Variants in LMX1A observed in about 807,000 individuals in gnomAD.
LMX1A encodes LIM homeobox transcription factor 1 alpha.
In LMX1A, 15 loss-of-function variants were observed where a neutral mutation model predicts 49.1. The ratio of observed to expected loss-of-function variants is 0.31; its 90% CI spans 0.20 to 0.47. The LOEUF is 0.47. LMX1A is among the 20% of genes least tolerant of loss of function. LMX1A has a pLI of 1.00. For missense variants in LMX1A, 372 were observed against 475.8 expected (o/e 0.78, Z 2.03); for synonymous variants, 167 against 185.7 (o/e 0.90, Z 0.82).
intron 6 of LMX1A, among the ~76,000 whole-genome samples, chr1:165,209,154 C>G (rs1651253365): frequency 6.6e-6 from 1 of 152,190 alleles, no homozygotes; most frequent in Non-Finnish European, 1.5e-5. Flanking sequence ...TATAGGGCCT[C>G]TGCAACTTAT....
chr1:165,230,677 TG>T (rs1268560799), intron 4 of LMX1A, among the ~76,000 whole-genome samples: 1 of 152,218 alleles, frequency 6.6e-6, no homozygotes, highest in East Asian at 1.9e-4. Flanking sequence ...TAAAGAAACT[TG>T]GAGAGCATCT....
At chr1:165,343,538 T>G (rs1656147129) in intron 3 of LMX1A, among the ~76,000 whole-genome samples, 1 of 152,200 alleles carries the variant, frequency 6.6e-6, no homozygotes, top group Non-Finnish European at 1.5e-5. Flanking sequence ...ATTGTATAGA[T>G]GAGAAAACCA....
In LMX1A at chr1:165,265,152, C is replaced by T. The variant is rs974887424; in HGVS notation, c.264-15512G>A. Reference sequence around the variant, plus strand: ...CCAGGAGGTGGAGCTTGCAGTGAGCCGAGATCGTGCCATTGCACTCCAGCC... The same window carrying T: ...CCAGGAGGTGGAGCTTGCAGTGAGCTGAGATCGTGCCATTGCACTCCAGCC... On this transcript the variant is annotated intron_variant, in intron 3 of 8. Coordinates refer to ENST00000342310, the MANE Select transcript of LMX1A (RefSeq NM_177398.4). 2.7e-5 allele frequency among the ~76,000 whole-genome samples: 4 copies of T among 149,226 alleles called. No homozygotes were observed. In the Admixed American group the frequency reaches 2.7e-4, roughly 10 times the overall value.
At chr1:165,221,584 G>A (rs1651845850) in intron 4 of LMX1A, among the ~76,000 whole-genome samples, 1 of 152,142 alleles carries the variant, frequency 6.6e-6, no homozygotes, top group Non-Finnish European at 1.5e-5. Flanking sequence ...CACTGCAGAG[G>A]GGGGTTTCTG....
intron 4 of LMX1A, among the ~76,000 whole-genome samples, chr1:165,218,246 G>A (rs1378312838): frequency 1.3e-5 from 2 of 152,200 alleles, no homozygotes; most frequent in East Asian, 1.9e-4. Flanking sequence ...CACTGCTGAT[G>A]GTTAGCATGG....
Position 165,203,807 on chromosome 1 carries a change from C to G in LMX1A, c.*73G>C. 9.3e-6 allele frequency: 14 copies of G among 1,508,832 alleles called. No individual in the cohort carries two copies. Among genetic ancestry groups the G allele is most frequent in the Non-Finnish European group, 1.3e-5 (14 of 1,093,650 alleles). The allele number at this position is 1,508,832 out of a possible 1,614,324, so 93.5% of individuals were successfully genotyped here. ...CCACCTCTTCCCTGGCCTCCCTGTC[C>G]TAAAGCCAGTGACCCCTCAAAGAAT... On this transcript the variant is annotated 3_prime_UTR_variant, in exon 9 of 9. Transcript: ENST00000342310.
intron 3 of LMX1A, among the ~76,000 whole-genome samples, chr1:165,260,515 ATGTCC>A (rs2102647596): frequency 6.6e-6 from 1 of 152,290 alleles, no homozygotes; most frequent in African/African-American, 2.4e-5. Flanking sequence ...ATTGTGCTAT[ATGTCC>A]AAAAAGAAAC....
intron 6 of LMX1A, among the ~76,000 whole-genome samples, chr1:165,208,899 G>A (rs1449252003): frequency 2.0e-5 from 3 of 152,082 alleles, no homozygotes; most frequent in Non-Finnish European, 4.4e-5. Flanking sequence ...CACCCGCCTC[G>A]GCCTCCCAGA....
intron 4 of LMX1A, among the ~76,000 whole-genome samples, chr1:165,239,868 G>T (rs1175562102): frequency 6.6e-6 from 1 of 152,166 alleles, no homozygotes; most frequent in Non-Finnish European, 1.5e-5. Flanking sequence ...TATCATTTGT[G>T]CCTTTTGTCT....
chr1:165,252,349 G>A (rs1653091276), intron 3 of LMX1A, among the ~76,000 whole-genome samples: 1 of 152,146 alleles, frequency 6.6e-6, no homozygotes, highest in African/African-American at 2.4e-5. Context: ...TGTCACTCCA[G>A]AGAAATCATA....
intron 3 of LMX1A, among the ~76,000 whole-genome samples, chr1:165,273,625 AT>A (rs1430292890): frequency 6.6e-6 from 1 of 152,242 alleles, no homozygotes; most frequent in Non-Finnish European, 1.5e-5. Context: ...GCACTTCATT[AT>A]ATACTATCTT....
At chr1:165,220,247 AGTT>A (rs1396970264) in intron 4 of LMX1A, among the ~76,000 whole-genome samples, 1 of 152,206 alleles carries the variant, frequency 6.6e-6, no homozygotes, top group African/African-American at 2.4e-5. Flanking sequence ...AAGTGTAAGT[AGTT>A]AAGTTCTTCA....
chr1:165,270,995 C>T (rs1332213053), intron 3 of LMX1A, among the ~76,000 whole-genome samples: 2 of 152,172 alleles, frequency 1.3e-5, no homozygotes, highest in African/African-American at 4.8e-5. Context: ...CATTTCCCTC[C>T]CAATCACCAT....
At chr1:165,248,374 A>G (rs1652934108) in intron 4 of LMX1A, among the ~76,000 whole-genome samples, 1 of 152,194 alleles carries the variant, frequency 6.6e-6, no homozygotes, top group South Asian at 2.1e-4. Flanking sequence ...ATGGACTAGA[A>G]TTGGCAATGG....
At chr1:165,294,253 T>A (rs1654555050) in intron 3 of LMX1A, among the ~76,000 whole-genome samples, 1 of 139,126 alleles carries the variant, frequency 7.2e-6, no homozygotes, top group Non-Finnish European at 1.5e-5. Context: ...CCCAGGCTCT[T>A]TCAGCTGAAC....
chr1:165,226,544 G>C (rs565938487), intron 4 of LMX1A, among the ~76,000 whole-genome samples: 40 of 152,294 alleles, frequency 2.6e-4, no homozygotes, highest in Non-Finnish European at 2.9e-4. Flanking sequence ...AGAGATTATA[G>C]GGAAGCACGG....
intron 3 of LMX1A, among the ~76,000 whole-genome samples, chr1:165,328,127 A>G (rs767797445): frequency 1.3e-5 from 2 of 152,246 alleles, no homozygotes; most frequent in Admixed American, 1.3e-4. Context: ...TTGCATTAAC[A>G]AAAACACCAA....
chr1:165,218,955 C>T (rs1263669929), intron 4 of LMX1A: 1 of 152,238 alleles, frequency 6.6e-6, no homozygotes, highest in African/African-American at 2.4e-5. Flanking sequence ...ACAAACGCAG[C>T]ATAAATCTGA....
At chr1:165,251,346 G>A (rs976182863) in intron 3 of LMX1A, among the ~76,000 whole-genome samples, 2 of 152,192 alleles carry the variant, frequency 1.3e-5, no homozygotes, top group Non-Finnish European at 1.5e-5. Flanking sequence ...GCCTCCCAAA[G>A]TGCTAGGATT....
Sources: gnomAD v4.1 joint callset for allele counts (sites outside exome capture counted in the v4.1 genomes callset) on GRCh38, gnomAD v4.1.1 for gene constraint, MANE v1.5 for transcripts, NCBI Gene and HGNC (gene_info 2026-07-23, HGNC 2026-07-21) for gene names.